The following AKAP6 variants were observed in gnomAD, a reference collection of about 807,000 sequenced individuals.
AKAP6 encodes A-kinase anchoring protein 6.
Under a neutral mutation model 188.5 loss-of-function variants are expected in AKAP6, and 58 were observed. The observed-to-expected ratio is 0.31, with a 90% CI of 0.25 to 0.38. AKAP6 has a LOEUF of 0.38. AKAP6 is among the 10% of genes least tolerant of loss of function. The probability of loss-of-function intolerance (pLI) is 1.00; values close to 1 mark genes in which losing one functional copy is unlikely to be tolerated. For missense variants in AKAP6, 2,710 were observed against 2,740.0 expected (o/e 0.99, Z 0.24); for synonymous variants, 989 against 998.6 (o/e 0.99, Z 0.18).
chr14:32,551,010 C>G (rs959224091), intron 4 of AKAP6, among the ~76,000 whole-genome samples: 2 of 152,166 alleles, frequency 1.3e-5, no homozygotes, highest in Non-Finnish European at 2.9e-5. Context: ...CCAAACTCCA[C>G]AATAGAGGGT....
At chr14:32,811,241 G>GAAAAAAAAATAAAAAAAAA (rs2034222185) in intron 12 of AKAP6, among the ~76,000 whole-genome samples, 1 of 55,602 alleles carries the variant, frequency 1.8e-5, no homozygotes, top group Non-Finnish European at 3.8e-5. Flanking sequence ...TCCGTCTCAG[G>GAAAAAAAAATAAAAAAAAA]AAAAAAAAAA....
chr14:32,728,395 A>ATCT, intron 9 of AKAP6, among the ~76,000 whole-genome samples: 1 of 139,942 alleles, frequency 7.1e-6, no homozygotes, highest in Middle Eastern at 3.8e-3. Context: ...TCTATCTATC[A>ATCT]ATCGTATCTA....
chr14:32,763,271 G>A (rs2032599518), intron 11 of AKAP6, among the ~76,000 whole-genome samples: 1 of 152,076 alleles, frequency 6.6e-6, no homozygotes. Flanking sequence ...TTTCCAAAAT[G>A]TCAAACTTAG....
chr14:32,546,614 T>C lies in AKAP6; in HGVS notation c.1961T>C (p.Leu654Pro), dbSNP rs1329691474. The C allele has an allele frequency of 1.9e-6, 3 of 1,614,184 alleles. No homozygotes were observed. Among genetic ancestry groups the C allele is most frequent in the Middle Eastern group, 1.6e-4 (1 of 6,062 alleles). ...AAGTTGGAAAACCTAACAAAGCTTC[T>C]GCCTCAGAAACCCAGAGGAGAAACC... ...ALKLENLTKL[L>P]PQKPRGETIQ... Residue 654 changes from leucine (L) to proline (P), a missense_variant, in exon 4 of 14, where the codon CTG becomes CCG. Physicochemically the swap from Leu to Pro is moderately conservative, Grantham distance 98. Around this residue, in one of 2 missense-constraint regions of AKAP6, gnomAD observed 2,473 missense variants for 2,426.1 expected, o/e 1.02. Coordinates refer to ENST00000280979, the MANE Select transcript of AKAP6 (RefSeq NM_004274.5).
At chr14:32,702,174 C>T (rs1389760949) in intron 9 of AKAP6, among the ~76,000 whole-genome samples, 1 of 152,082 alleles carries the variant, frequency 6.6e-6, no homozygotes, top group Non-Finnish European at 1.5e-5. Flanking sequence ...ATTAAAACTC[C>T]ATTAAGATAA....
At chr14:32,800,659 G>A (rs556219498) in intron 12 of AKAP6, among the ~76,000 whole-genome samples, 1 of 151,114 alleles carries the variant, frequency 6.6e-6, no homozygotes, top group African/African-American at 2.4e-5. Context: ...TTTGATTAGT[G>A]TTAGCATGCT....
intron 2 of AKAP6, among the ~76,000 whole-genome samples, chr14:32,486,660 T>C (rs936169754): frequency 1.3e-5 from 2 of 152,252 alleles, no homozygotes; most frequent in African/African-American, 4.8e-5. Context: ...TTTTGCACAT[T>C]GATTTTGTAT....
chr14:32,604,068 T>C (rs1031991991), intron 7 of AKAP6, among the ~76,000 whole-genome samples: 1 of 152,278 alleles, frequency 6.6e-6, no homozygotes. Context: ...GCCTTACTTC[T>C]TAAGAGAAAA....
intron 5 of AKAP6, 95 bp from the exon 6 acceptor site, chr14:32,599,315 G>T (rs1301123622): frequency 1.0e-6 from 1 of 993,182 alleles, no homozygotes; most frequent in East Asian, 2.5e-5. Context: ...AAATTGGGCT[G>T]TGTGGTTCTT....
intron 7 of AKAP6, among the ~76,000 whole-genome samples, chr14:32,616,356 C>CTA (rs1886580493): frequency 6.6e-6 from 1 of 152,096 alleles, no homozygotes; most frequent in Non-Finnish European, 1.5e-5. Context: ...TCAGTCTAAA[C>CTA]GCCCATCAAT....
In AKAP6 at chr14:32,336,255, A is replaced by C. The variant is rs1050958953; in HGVS notation, c.-35+6847A>C. On this transcript the variant is annotated intron_variant, in intron 1 of 13. Transcript: ENST00000280979. Reference sequence around the variant, plus strand: ...TACTGTGTGAGTAAACAGGAACCTGACAAATCCAGAAAGGGCTCTTGCCAC... The same window carrying C: ...TACTGTGTGAGTAAACAGGAACCTGCCAAATCCAGAAAGGGCTCTTGCCAC... Among the ~76,000 whole-genome samples the C allele has an allele frequency of 2.6e-5, 4 of 152,052 alleles. No homozygotes were observed. The East Asian group carries it at 7.7e-4, about 29-fold the overall frequency.
intron 2 of AKAP6, among the ~76,000 whole-genome samples, chr14:32,440,982 T>C (rs1355163457): frequency 1.3e-5 from 2 of 152,086 alleles, no homozygotes; most frequent in Non-Finnish European, 1.5e-5. Flanking sequence ...ATGAATGAAA[T>C]TAGTGACCTC....
At chr14:32,684,534 A>G (rs868357841) in intron 8 of AKAP6, among the ~76,000 whole-genome samples, 3 of 152,200 alleles carry the variant, frequency 2.0e-5, no homozygotes, top group Non-Finnish European at 4.4e-5. Context: ...AACTACACAA[A>G]TAATGTTTAT....
Position 32,529,053 on chromosome 14 carries a change from C to T in AKAP6, c.325-6501C>T, listed in dbSNP as rs143042141. 2.4e-3 allele frequency among the ~76,000 whole-genome samples: 360 copies of T among 152,252 alleles called. 3 individuals carry two copies. Among genetic ancestry groups the T allele is most frequent in the African/African-American group, 8.3e-3 (343 of 41,550 alleles). On this transcript the variant is annotated intron_variant, in intron 2 of 13. Transcript: ENST00000280979. ...GGTTTTTTACTGAGTTGAGGCTGTA[C>T]ATCAAGTTGGGAAGAACTAACATCT...
chr14:32,395,521 A>G (rs1008953011), intron 1 of AKAP6, among the ~76,000 whole-genome samples: 2 of 152,182 alleles, frequency 1.3e-5, no homozygotes, highest in Non-Finnish European at 2.9e-5. Flanking sequence ...GGTCAACCAT[A>G]GAACTCGCCC....
intron 7 of AKAP6, among the ~76,000 whole-genome samples, chr14:32,647,860 G>A (rs8021432): frequency 0.37 from 56,021 of 151,864 alleles, 11,243 homozygotes; most frequent in East Asian, 0.84. Flanking sequence ...CCCTCCTGAA[G>A]TTAATCAAAC....
At chr14:32,734,649 C>T (rs1436074466) in intron 10 of AKAP6, 1 of 152,124 alleles carries the variant, frequency 6.6e-6, no homozygotes, top group African/African-American at 2.4e-5. Flanking sequence ...CCTGCTGCTA[C>T]TTTTGTTACA....
At chr14:32,724,538 T>A (rs903514605) in intron 9 of AKAP6, among the ~76,000 whole-genome samples, 1 of 152,206 alleles carries the variant, frequency 6.6e-6, no homozygotes, top group Non-Finnish European at 1.5e-5. Context: ...AAATAACTGG[T>A]ATTGCTACAA....
chr14:32,775,619 A>G (rs1012994470), intron 12 of AKAP6, among the ~76,000 whole-genome samples: 4 of 152,064 alleles, frequency 2.6e-5, no homozygotes, highest in Non-Finnish European at 4.4e-5. Context: ...TACTTTTTGT[A>G]GAGACATGGT....
Sources: allele counts gnomAD v4.1 joint callset (sites outside exome capture counted in the v4.1 genomes callset), GRCh38; gene constraint gnomAD v4.1.1; regional missense constraint gnomAD v4.1.1; transcripts MANE v1.5; gene names NCBI Gene and HGNC (gene_info 2026-07-23, HGNC 2026-07-21).